The following ARHGEF7 variants were observed in gnomAD, a reference collection of about 807,000 sequenced individuals.
The protein encoded by ARHGEF7 is PAK-interacting exchange factor beta.
Under a neutral mutation model 109.8 loss-of-function variants are expected in ARHGEF7, and 33 were observed. The ratio of observed to expected loss-of-function variants is 0.30; its 90% CI spans 0.23 to 0.40. ARHGEF7 has a LOEUF of 0.40. ARHGEF7 is among the 10% of genes least tolerant of loss of function. The pLI is 1.00. For missense variants in ARHGEF7, 938 were observed against 1,098.5 expected (o/e 0.85, Z 2.07); for synonymous variants, 458 against 424.6 (o/e 1.08, Z -0.97).
At chr13:111,287,451 G>A (rs75808798) in intron 17 of ARHGEF7, among the ~76,000 whole-genome samples, 3,351 of 152,346 alleles carry the variant, frequency 0.022, 124 homozygotes, top group African/African-American at 0.077. Context: ...CAGCACCTTC[G>A]TGGGCTGGGT....
chr13:111,208,716 A>G (rs2082163431), intron 3 of ARHGEF7, among the ~76,000 whole-genome samples: 1 of 152,132 alleles, frequency 6.6e-6, no homozygotes, highest in Admixed American at 6.5e-5. Flanking sequence ...AATGTGCTCT[A>G]TAGAGATTAC....
intron 2 of ARHGEF7, among the ~76,000 whole-genome samples, chr13:111,160,206 C>G (rs1167023571): frequency 1.3e-5 from 2 of 152,170 alleles, no homozygotes; most frequent in Admixed American, 6.5e-5. Context: ...CTCTGTTGGT[C>G]TGTGTGTCTG....
intron 18 of ARHGEF7, 52 bp from the exon 19 acceptor site, chr13:111,292,066 C>G: frequency 6.6e-7 from 1 of 1,511,772 alleles, no homozygotes; most frequent in East Asian, 2.3e-5. Context: ...TCCTGTCGTT[C>G]TCCTCCTCAC....
chr13:111,299,878 G>A (rs545574627), intron 19 of ARHGEF7, among the ~76,000 whole-genome samples: 3 of 152,156 alleles, frequency 2.0e-5, no homozygotes, highest in African/African-American at 7.2e-5. Context: ...TCATGGTACC[G>A]CTTGCAGGTG....
intron 18 of ARHGEF7, among the ~76,000 whole-genome samples, chr13:111,290,537 C>T (rs2153624111): frequency 6.6e-6 from 1 of 152,138 alleles, no homozygotes; most frequent in African/African-American, 2.4e-5. Flanking sequence ...GGGTGAGGGC[C>T]GACTGAGGGC....
intron 15 of ARHGEF7, chr13:111,280,947 G>A (rs1022437489): frequency 1.3e-5 from 4 of 302,846 alleles, no homozygotes; most frequent in Non-Finnish European, 2.4e-5. Flanking sequence ...TGCTCCGTGT[G>A]GCCCTAGAAG....
Position 111,145,762 on chromosome 13 carries a change from T to A in ARHGEF7, c.166-8143T>A, listed in dbSNP as rs1266010558. 6.6e-6 allele frequency among the ~76,000 whole-genome samples: 1 copy of A among 152,198 alleles called. No homozygotes were observed. On this transcript the variant is annotated intron_variant, in intron 1 of 21. Coordinates refer to ENST00000646102, the MANE Select transcript of ARHGEF7 (RefSeq NM_001354046.2). The surrounding 1 kb of genome is among the most constrained non-coding windows in gnomAD (Gnocchi z 4.3). ...GAAGCCAGAGAGCAGGGAAGCCTGGTTGATGCAGTCCTCAGAGGCTGGTGC... is the reference window on the plus strand; with the variant it reads ...GAAGCCAGAGAGCAGGGAAGCCTGGATGATGCAGTCCTCAGAGGCTGGTGC...
At chr13:111,221,033 T>C (rs2083778767) in intron 5 of ARHGEF7, among the ~76,000 whole-genome samples, 1 of 147,998 alleles carries the variant, frequency 6.8e-6, no homozygotes, top group Non-Finnish European at 1.5e-5. Flanking sequence ...GTTATATATA[T>C]ATAAAGGGGA....
chr13:111,236,906 A>G (rs1211942181), intron 6 of ARHGEF7, among the ~76,000 whole-genome samples: 1 of 152,212 alleles, frequency 6.6e-6, no homozygotes, highest in Non-Finnish European at 1.5e-5. Context: ...TTGAGGCTGC[A>G]GTAAGCTATG....
At chr13:111,118,671 T>G (rs1171390604) in intron 1 of ARHGEF7, among the ~76,000 whole-genome samples, 1 of 152,136 alleles carries the variant, frequency 6.6e-6, no homozygotes, top group Non-Finnish European at 1.5e-5. Flanking sequence ...GGGTATTTAG[T>G]CAAAGGAGGT....
chr13:111,212,990 G>T (rs2082679710), intron 4 of ARHGEF7, among the ~76,000 whole-genome samples: 1 of 152,188 alleles, frequency 6.6e-6, no homozygotes, highest in African/African-American at 2.4e-5. Context: ...AGTAAAGTTG[G>T]AGTAAAAATT....
chr13:111,201,317 C>T (rs906575813), intron 2 of ARHGEF7, among the ~76,000 whole-genome samples: 2 of 152,142 alleles, frequency 1.3e-5, no homozygotes, highest in African/African-American at 4.8e-5. Context: ...TCACAGAGGG[C>T]AAGATAATTT....
intron 6 of ARHGEF7, chr13:111,241,001 C>G (rs180910766): frequency 1.4e-6 from 1 of 694,090 alleles, no homozygotes; most frequent in Non-Finnish European, 2.2e-6. Context: ...AATGATGCAA[C>G]GAATAAAGTG....
At chr13:111,250,136 G>C (rs1338250448) in intron 8 of ARHGEF7, among the ~76,000 whole-genome samples, 6 of 152,150 alleles carry the variant, frequency 3.9e-5, no homozygotes. Flanking sequence ...CAGCTGTAGA[G>C]GGCTCCTTGC....
intron 2 of ARHGEF7, among the ~76,000 whole-genome samples, chr13:111,169,468 T>G (rs2077405593): frequency 1.3e-5 from 2 of 152,010 alleles, no homozygotes; most frequent in Non-Finnish European, 2.9e-5. Context: ...GCCACACACC[T>G]TGAAACAACC....
intron 1 of ARHGEF7, among the ~76,000 whole-genome samples, chr13:111,127,872 T>G (rs990366440): frequency 6.6e-6 from 1 of 152,024 alleles, no homozygotes; most frequent in African/African-American, 2.4e-5. Context: ...AGATAAGATA[T>G]CATAACCAAG....
Position 111,304,637 on chromosome 13 carries a change from T to A in ARHGEF7, c.*1524T>A, listed in dbSNP as rs1384980747. The A allele has an allele frequency of 6.6e-6, 1 of 152,260 alleles. No individual in the cohort carries two copies. Among genetic ancestry groups the A allele is most frequent in the Non-Finnish European group, 1.5e-5 (1 of 68,054 alleles). 9.4% of individuals were successfully genotyped at this position (152,260 alleles called of 1,614,324 possible). Reference sequence around the variant, plus strand: ...GCACCTTGGGAGAGTGTTGTGTTGCTGTTTACGGTTCTTCCTTGCCCTTGC... The same window carrying A: ...GCACCTTGGGAGAGTGTTGTGTTGCAGTTTACGGTTCTTCCTTGCCCTTGC... On this transcript the variant is annotated 3_prime_UTR_variant, in exon 22 of 22. Transcript: ENST00000646102.
intron 3 of ARHGEF7, among the ~76,000 whole-genome samples, chr13:111,205,912 C>G (rs1037101083): frequency 6.6e-6 from 1 of 151,932 alleles, no homozygotes; most frequent in African/African-American, 2.4e-5. Context: ...ACATGGTGTG[C>G]CCCTCTCATG....
chr13:111,250,179 C>G (rs1272848065), intron 8 of ARHGEF7, among the ~76,000 whole-genome samples: 9 of 152,194 alleles, frequency 5.9e-5, no homozygotes, highest in African/African-American at 2.2e-4. Context: ...CAGTTCAAAA[C>G]AATAGAAACT....
Sources: gnomAD v4.1 joint callset for allele counts (sites outside exome capture counted in the v4.1 genomes callset) on GRCh38, gnomAD v4.1.1 for gene constraint, Gnocchi (gnomAD v3.1) non-coding constraint, MANE v1.5 for transcripts, NCBI Gene and HGNC (gene_info 2026-07-23, HGNC 2026-07-21) for gene names.